Variants in CDH18 observed in about 807,000 individuals in gnomAD.
The protein encoded by CDH18 is cadherin 18, also known as cadherin-18.
In CDH18, 31 loss-of-function variants were observed where a neutral mutation model predicts 67.9. That is an observed-to-expected ratio of 0.46 (90% CI 0.34 to 0.62). The LOEUF is 0.62. Ranked by LOEUF, CDH18 falls within the 20% of genes least tolerant of loss-of-function variation. The probability of loss-of-function intolerance (pLI) is 0.01; values close to 1 mark genes in which losing one functional copy is unlikely to be tolerated. For missense variants in CDH18, 890 were observed against 975.5 expected (o/e 0.91, Z 1.17); for synonymous variants, 362 against 347.2 (o/e 1.04, Z -0.48).
intron 11 of CDH18, among the ~76,000 whole-genome samples, chr5:19,485,350 A>G (rs1377060028): frequency 6.6e-6 from 1 of 150,940 alleles, no homozygotes; most frequent in African/African-American, 2.4e-5. Context: ...CAGCCTCCCG[A>G]GTTCATGCCA....
At chr5:19,508,999 A>G (rs1744691527) in intron 10 of CDH18, among the ~76,000 whole-genome samples, 1 of 151,484 alleles carries the variant, frequency 6.6e-6, no homozygotes, top group African/African-American at 2.4e-5. Context: ...TCAGCCACCG[A>G]GTAGTTGGGA....
At chr5:19,661,673 G>T (rs1427429620) in intron 5 of CDH18, among the ~76,000 whole-genome samples, 1 of 151,956 alleles carries the variant, frequency 6.6e-6, no homozygotes, top group Non-Finnish European at 1.5e-5. Context: ...CTTTTAAAAA[G>T]TGGAACAAGG....
chr5:20,221,210 TG>T (rs1347609190), intron 2 of CDH18, among the ~76,000 whole-genome samples: 1 of 152,088 alleles, frequency 6.6e-6, no homozygotes, highest in Non-Finnish European at 1.5e-5. Flanking sequence ...GGAAGCAACT[TG>T]GGTCCATCAA....
At chr5:20,266,979 GATAGAC>G (rs1745090804) in intron 1 of CDH18, among the ~76,000 whole-genome samples, 1 of 152,108 alleles carries the variant, frequency 6.6e-6, no homozygotes, top group African/African-American at 2.4e-5. Flanking sequence ...TGGACATCTG[GATAGAC>G]AAAGCCAGTC....
chr5:20,299,185 G>A (rs1747763508), intron 1 of CDH18, among the ~76,000 whole-genome samples: 1 of 152,074 alleles, frequency 6.6e-6, no homozygotes, highest in South Asian at 2.1e-4. Flanking sequence ...GGAACATGGA[G>A]GTCTATTAGG....
rs188756764 is a variant in CDH18 at position 20,361,611 on chromosome 5, C to G, written c.-579-106106G>C. Reference sequence around the variant, plus strand: ...TAAAACAGATAACTAAAATGCCTTGCTAGTATATTACCCTCATGAAACTGG... The same window carrying G: ...TAAAACAGATAACTAAAATGCCTTGGTAGTATATTACCCTCATGAAACTGG... On this transcript the variant is annotated intron_variant, in intron 1 of 14. Coordinates refer to the CDH18 transcript ENST00000507958. 6.6e-5 allele frequency among the ~76,000 whole-genome samples: 10 copies of G among 152,156 alleles called. No homozygotes were observed. In the East Asian group the frequency reaches 1.5e-3, roughly 24 times the overall value.
chr5:20,155,796 A>G (rs1751477868), intron 2 of CDH18, among the ~76,000 whole-genome samples: 1 of 152,028 alleles, frequency 6.6e-6, no homozygotes, highest in Non-Finnish European at 1.5e-5. Flanking sequence ...GTGTATGGTG[A>G]TCCAATTTGC....
chr5:20,277,276 C>A (rs560928051), intron 1 of CDH18, among the ~76,000 whole-genome samples: 1 of 152,124 alleles, frequency 6.6e-6, no homozygotes, highest in South Asian at 2.1e-4. Flanking sequence ...TTGTGTCAAC[C>A]CTCCCCCAAC....
At chr5:20,245,781 A>G (rs1743329559) in intron 2 of CDH18, among the ~76,000 whole-genome samples, 1 of 152,118 alleles carries the variant, frequency 6.6e-6, no homozygotes, top group Non-Finnish European at 1.5e-5. Context: ...AATCCTTAGT[A>G]TTTGTTGTCA....
intron 1 of CDH18, chr5:20,303,992 G>T: frequency 2.1e-6 from 2 of 974,934 alleles, no homozygotes; most frequent in Non-Finnish European, 3.3e-6. Context: ...AAGTCGAAGG[G>T]ATGGTGGAAG....
At chr5:20,111,025 G>T (rs1331861203) in intron 2 of CDH18, among the ~76,000 whole-genome samples, 1 of 151,954 alleles carries the variant, frequency 6.6e-6, no homozygotes, top group Non-Finnish European at 1.5e-5. Context: ...GCTGAGTTAG[G>T]TAAGTCATTA....
intron 2 of CDH18, among the ~76,000 whole-genome samples, chr5:19,896,992 A>C (rs1222284673): frequency 2.0e-5 from 3 of 152,210 alleles, no homozygotes. Context: ...AGAAAGAAAC[A>C]AACAGTAGAA....
At chr5:20,510,762 G>C (rs1386381604) in intron 1 of CDH18, among the ~76,000 whole-genome samples, 2 of 152,072 alleles carry the variant, frequency 1.3e-5, no homozygotes, top group Non-Finnish European at 2.9e-5. Context: ...GGATGATTAA[G>C]CAAGCAGGAA....
intron 1 of CDH18, among the ~76,000 whole-genome samples, chr5:20,329,730 A>G (rs116111445): frequency 0.023 from 2,988 of 131,848 alleles, 75 homozygotes; most frequent in African/African-American, 0.059. Flanking sequence ...AGTTTGCGCC[A>G]CTGTACTCCA....
At chr5:20,009,254 T>G (rs1351046213) in intron 2 of CDH18, among the ~76,000 whole-genome samples, 1 of 152,130 alleles carries the variant, frequency 6.6e-6, no homozygotes, top group Non-Finnish European at 1.5e-5. Flanking sequence ...AGCTTTTCTT[T>G]GTTTCCATTT....
chr5:20,321,296 A>G (rs1192380044), intron 1 of CDH18, among the ~76,000 whole-genome samples: 1 of 151,834 alleles, frequency 6.6e-6, no homozygotes, highest in Admixed American at 6.6e-5. Context: ...CAGACTCAAA[A>G]TCTCCTTGAT....
intron 1 of CDH18, among the ~76,000 whole-genome samples, chr5:20,287,601 A>G (rs1481240738): frequency 6.6e-6 from 1 of 151,800 alleles, no homozygotes; most frequent in Middle Eastern, 3.2e-3. Flanking sequence ...AATGTTTGAT[A>G]CTAGAATTTT....
At chr5:19,559,934 A>C (rs1156516997) in intron 8 of CDH18, among the ~76,000 whole-genome samples, 11 of 151,474 alleles carry the variant, frequency 7.3e-5, no homozygotes, top group Non-Finnish European at 1.6e-4. Flanking sequence ...ACAAAAAAAA[A>C]ACTCAGGAAT....
intron 2 of CDH18, among the ~76,000 whole-genome samples, chr5:20,061,034 T>C (rs1742436237): frequency 6.6e-6 from 1 of 152,064 alleles, no homozygotes; most frequent in Non-Finnish European, 1.5e-5. Context: ...TTGGCTATTT[T>C]ATACACGCAA....
Sources: gnomAD v4.1 joint callset for allele counts (sites outside exome capture counted in the v4.1 genomes callset) on GRCh38, gnomAD v4.1.1 for gene constraint, MANE v1.5 for transcripts, NCBI Gene and HGNC (gene_info 2026-07-23, HGNC 2026-07-21) for gene names.